The following MRAP2 variants were observed in gnomAD, a reference collection of about 807,000 sequenced individuals.
MRAP2 encodes the protein melanocortin 2 receptor accessory protein 2, also known as melanocortin-2 receptor accessory protein 2.
Under a neutral mutation model 17.4 loss-of-function variants are expected in MRAP2, and 20 were observed. That is an observed-to-expected ratio of 1.15 (90% CI 0.81 to 1.67). The LOEUF is 1.67. MRAP2 is among the 40% of genes most tolerant of loss of function. The probability of loss-of-function intolerance (pLI) is 0.00; values close to 1 mark genes in which losing one functional copy is unlikely to be tolerated. For missense variants in MRAP2, 238 were observed against 240.0 expected (o/e 0.99, Z 0.05); for synonymous variants, 96 against 88.4 (o/e 1.09, Z -0.48).
the MRAP2 span, among the ~76,000 whole-genome samples, chr6:84,128,890 G>T: frequency 7.0e-6 from 1 of 143,324 alleles, no homozygotes; most frequent in African/African-American, 2.6e-5. Flanking sequence ...CCCCTCCTAT[G>T]TCACTGTGTT....
Position 84,070,223 on chromosome 6 carries a change from G to A in MRAP2, c.227+7231G>A, listed in dbSNP as rs1206897386. On this transcript the variant is annotated intron_variant, in intron 3 of 3. Coordinates refer to ENST00000257776, the MANE Select transcript of MRAP2 (RefSeq NM_138409.4). ...TGCTCTTTCAGTCTTTTCGATGTAG[G>A]TGTTTAGGGTTATGAACTTTCCTCT... 1.3e-5 allele frequency among the ~76,000 whole-genome samples: 2 copies of A among 152,040 alleles called. 1 individual carries two copies. Among genetic ancestry groups the A allele is most frequent in the South Asian group, 4.1e-4 (2 of 4,830 alleles).
chr6:84,075,537 G>A (rs959067052), intron 3 of MRAP2, among the ~76,000 whole-genome samples: 1 of 152,184 alleles, frequency 6.6e-6, no homozygotes, highest in African/African-American at 2.4e-5. Context: ...TCTGAGCTAA[G>A]GAACCATTTA....
intron 1 of MRAP2, among the ~76,000 whole-genome samples, chr6:84,045,618 C>G (rs1353448198): frequency 6.6e-6 from 1 of 151,140 alleles, no homozygotes; most frequent in Non-Finnish European, 1.5e-5. Context: ...CAAAAATTAG[C>G]TGGGCGTGGT....
intron 2 of MRAP2, chr6:84,061,718 A>G: frequency 1.1e-6 from 1 of 921,738 alleles, no homozygotes; most frequent in South Asian, 5.0e-5. Context: ...ACAGGGACAC[A>G]GTGTCCCCTA....
intron 3 of MRAP2, among the ~76,000 whole-genome samples, chr6:84,067,230 G>A (rs1169493253): frequency 6.6e-6 from 1 of 152,114 alleles, no homozygotes; most frequent in Admixed American, 6.5e-5. Context: ...CCTTTTTATG[G>A]CTGAGTAGTG....
At chr6:84,101,144 G>A in the MRAP2 span, among the ~76,000 whole-genome samples, 1 of 152,112 alleles carries the variant, frequency 6.6e-6, no homozygotes, top group Admixed American at 6.5e-5. Context: ...ACTCTTGGAG[G>A]AATGTCACAT....
At position 84,033,780 on chromosome 6, in the gene MRAP2, G is replaced by C. The variant is rs2099485163; in HGVS notation, c.-111G>C. 1 of 986,164 alleles carries C rather than the reference G, an allele frequency of 1.0e-6. No individual in the cohort carries two copies. Among genetic ancestry groups the C allele is most frequent in the African/African-American group, 1.8e-5 (1 of 57,126 alleles). 61.1% of individuals were successfully genotyped at this position (986,164 alleles called of 1,614,324 possible). A position where few individuals can be genotyped will look rare whatever the true frequency, so the allele number is the denominator to read the frequency against. On this transcript the variant is annotated 5_prime_UTR_variant, in exon 1 of 4. Coordinates refer to ENST00000257776, the MANE Select transcript of MRAP2 (RefSeq NM_138409.4). Reference sequence around the variant, plus strand: ...CCTCGGATCTAGGAGCTACTCGCCCGGCCCTGGGCGGTGGGAGGCGGCGGC... The same window carrying C: ...CCTCGGATCTAGGAGCTACTCGCCCCGCCCTGGGCGGTGGGAGGCGGCGGC...
At chr6:84,063,450 A>G (rs2099493699) in intron 3 of MRAP2, 1 of 977,336 alleles carries the variant, frequency 1.0e-6, no homozygotes, top group Middle Eastern at 5.3e-4. Flanking sequence ...ACTATTGACA[A>G]TGATTAATAA....
chr6:84,120,828 T>C, the MRAP2 span, among the ~76,000 whole-genome samples: 975 of 152,182 alleles, frequency 6.4e-3, 4 homozygotes, highest in African/African-American at 0.022. Context: ...AAATAAATTA[T>C]TTATAACTTA....
At chr6:84,112,443 G>A in the MRAP2 span, among the ~76,000 whole-genome samples, 6 of 152,042 alleles carry the variant, frequency 3.9e-5, no homozygotes, top group Non-Finnish European at 2.9e-5. Flanking sequence ...TGGGATCAGT[G>A]GTGATATCCC....
intron 3 of MRAP2, among the ~76,000 whole-genome samples, chr6:84,075,460 A>G (rs1291729596): frequency 6.6e-6 from 1 of 152,160 alleles, no homozygotes; most frequent in Non-Finnish European, 1.5e-5. Flanking sequence ...ATGGTGGGGC[A>G]GGCAGGGGAT....
chr6:84,115,100 CTG>C, the MRAP2 span, among the ~76,000 whole-genome samples: 1 of 152,214 alleles, frequency 6.6e-6, no homozygotes, highest in Non-Finnish European at 1.5e-5. Context: ...AGCTTGAACA[CTG>C]TGCTGGGAGA....
the MRAP2 span, among the ~76,000 whole-genome samples, chr6:84,112,134 G>T: frequency 6.6e-6 from 1 of 152,132 alleles, no homozygotes; most frequent in South Asian, 2.1e-4. Flanking sequence ...AGTTAGGGAG[G>T]AGTCCCCCTT....
Position 84,085,917 on chromosome 6 carries a change from G to C in MRAP2, c.228-3174G>C, listed in dbSNP as rs548691785. On this transcript the variant is annotated intron_variant, in intron 3 of 3. Coordinates refer to ENST00000257776, the MANE Select transcript of MRAP2 (RefSeq NM_138409.4). The stretch of plus-strand genomic sequence containing the variant: ...GATAAAGTCAAAAAGCCTCTATCAG[G>C]AAGAAGGGGCTTAGCCTGAGTGAAG... Among the ~76,000 whole-genome samples, 288 of 152,316 alleles carry C rather than the reference G, an allele frequency of 1.9e-3. 1 individual carries two copies. The highest frequency in any genetic ancestry group is 6.5e-3 in the African/African-American group (269 of 41,560).
the MRAP2 span, among the ~76,000 whole-genome samples, chr6:84,096,496 C>T: frequency 6.6e-6 from 1 of 152,162 alleles, no homozygotes; most frequent in Non-Finnish European, 1.5e-5. Context: ...AGTTTGAAAG[C>T]ACCAGCCTTT....
At chr6:84,038,447 G>A (rs1366322652) in intron 1 of MRAP2, among the ~76,000 whole-genome samples, 1 of 152,162 alleles carries the variant, frequency 6.6e-6, no homozygotes, top group Non-Finnish European at 1.5e-5. Flanking sequence ...TGTTTCCAAA[G>A]ATTAGACATT....
rs1310509488 is a variant in MRAP2 at position 84,033,832 on chromosome 6, G to C, written c.-59G>C. The C allele has an allele frequency of 4.1e-6, 4 of 977,402 alleles. No individual in the cohort carries two copies. In the East Asian group the frequency reaches 4.5e-4, roughly 110 times the overall value. The allele number at this position is 977,402 out of a possible 1,614,324, so 60.5% of individuals were successfully genotyped here. On this transcript the variant is annotated 5_prime_UTR_variant, in exon 1 of 4. Coordinates refer to ENST00000257776, the MANE Select transcript of MRAP2 (RefSeq NM_138409.4). ...GCGGCGGCGCTCGCGCACCTCGGAG[G>C]AGCCAGGAGCCGGAACCAGGGCCGA... is the stretch of plus-strand genomic sequence containing the variant.
intron 2 of MRAP2, among the ~76,000 whole-genome samples, chr6:84,057,844 A>G (rs2099492089): frequency 6.6e-6 from 1 of 152,348 alleles, no homozygotes; most frequent in East Asian, 1.9e-4. Context: ...AGGCGACAGT[A>G]TAGAATTGCC....
At chr6:84,069,882 A>G (rs2099495759) in intron 3 of MRAP2, among the ~76,000 whole-genome samples, 1 of 152,088 alleles carries the variant, frequency 6.6e-6, no homozygotes, top group Non-Finnish European at 1.5e-5. Context: ...ATGTGCGTAA[A>G]GGTTCATAGT....
Sources: allele counts gnomAD v4.1 joint callset (sites outside exome capture counted in the v4.1 genomes callset), GRCh38; gene constraint gnomAD v4.1.1; transcripts MANE v1.5; gene names NCBI Gene and HGNC (gene_info 2026-07-23, HGNC 2026-07-21).